The following LDLRAD4 variants were observed in gnomAD, a reference collection of about 807,000 sequenced individuals.
LDLRAD4 encodes the protein low-density lipoprotein receptor class A domain-containing protein 4.
In LDLRAD4, 5 loss-of-function variants were observed where a neutral mutation model predicts 17.0. The observed-to-expected ratio is 0.29, with a 90% CI of 0.15 to 0.62. LDLRAD4 has a LOEUF of 0.62. Ranked by LOEUF, LDLRAD4 falls within the 20% of genes least tolerant of loss-of-function variation. LDLRAD4 has a pLI of 0.84. For synonymous variants in LDLRAD4, 168 were observed against 171.8 expected, an observed-to-expected ratio of 0.98 and a Z score of 0.17; for missense variants, 340 against 424.7, an observed-to-expected ratio of 0.80 and a Z score of 1.75.
At chr18:13,318,301 G>A (rs772880514) in intron 1 of LDLRAD4, among the ~76,000 whole-genome samples, 17 of 151,510 alleles carry the variant, frequency 1.1e-4, no homozygotes, top group Non-Finnish European at 2.2e-4. Context: ...TCCCTCTGTC[G>A]CCCAGGCTGG....
At chr18:13,387,602 G>A in exon 2 of LDLRAD4, 1 of 916,120 alleles carries the variant, frequency 1.1e-6, no homozygotes, top group Non-Finnish European at 1.8e-6. Context: ...TGCTCCCAGA[G>A]GCCGGCCCAG....
At chr18:13,503,973 T>C (rs1239041123) in intron 3 of LDLRAD4, among the ~76,000 whole-genome samples, 3 of 152,186 alleles carry the variant, frequency 2.0e-5, no homozygotes, top group Non-Finnish European at 4.4e-5. Flanking sequence ...ACATAATACA[T>C]GCCAGGCGCT....
intron 1 of LDLRAD4, among the ~76,000 whole-genome samples, chr18:13,239,258 G>A (rs1347719185): frequency 6.6e-6 from 1 of 151,872 alleles, no homozygotes; most frequent in Non-Finnish European, 1.5e-5. Context: ...TGAAGCCTGC[G>A]GTTGGAGGGG....
At chr18:13,439,056 G>A (rs2090854529) in intron 3 of LDLRAD4, among the ~76,000 whole-genome samples, 2 of 152,216 alleles carry the variant, frequency 1.3e-5, no homozygotes, top group African/African-American at 2.4e-5. Context: ...AGTGAAGGGG[G>A]TTGAGGCTGA....
intron 3 of LDLRAD4, among the ~76,000 whole-genome samples, chr18:13,601,262 G>A (rs8083323): frequency 0.017 from 2,603 of 152,224 alleles, 69 homozygotes; most frequent in African/African-American, 0.059. Context: ...TATGAGGAAT[G>A]TAAACAAATC....
At chr18:13,347,406 C>T (rs2082756315) in intron 1 of LDLRAD4, among the ~76,000 whole-genome samples, 1 of 152,232 alleles carries the variant, frequency 6.6e-6, no homozygotes, top group Non-Finnish European at 1.5e-5. Context: ...GGCTCCCACT[C>T]TCTTCTGGCT....
chr18:13,372,560 T>A (rs937289499), intron 1 of LDLRAD4, among the ~76,000 whole-genome samples: 1 of 152,204 alleles, frequency 6.6e-6, no homozygotes, highest in African/African-American at 2.4e-5. Flanking sequence ...AGAGCTGGGA[T>A]GGGCGTGCTG....
In LDLRAD4 at chr18:13,284,997, C is replaced by T. The variant is rs117692133; in HGVS notation, c.-383+6809C>T. On this transcript the variant is annotated intron_variant, in intron 1 of 5. Coordinates refer to ENST00000359446, the Ensembl canonical transcript of LDLRAD4. ...CTGTGCCTCTCAAGCCGATGTGAGA[C>T]GACCTCCCCTTGACGTCCTGACATT... 6.6e-4 allele frequency among the ~76,000 whole-genome samples: 100 copies of T among 152,312 alleles called. 3 individuals are homozygous for T. The East Asian group carries it at 0.017, about 26-fold the overall frequency.
At chr18:13,524,359 A>AT (rs1399246626) in intron 3 of LDLRAD4, among the ~76,000 whole-genome samples, 2 of 152,182 alleles carry the variant, frequency 1.3e-5, no homozygotes, top group East Asian at 1.9e-4. Context: ...CACCTGTTTA[A>AT]TTTTTTCTAA....
chr18:13,327,796 G>T (rs1343026683), intron 1 of LDLRAD4, among the ~76,000 whole-genome samples: 1 of 152,206 alleles, frequency 6.6e-6, no homozygotes, highest in Non-Finnish European at 1.5e-5. Flanking sequence ...AGGTCTTCCT[G>T]CTCAGGGCCT....
At chr18:13,445,632 TGA>T (rs781084418) in intron 3 of LDLRAD4, among the ~76,000 whole-genome samples, 65 of 150,824 alleles carry the variant, frequency 4.3e-4, no homozygotes, top group African/African-American at 1.0e-3. Context: ...CGTGTGTGTG[TGA>T]GAGAGTCTGA....
intron 2 of LDLRAD4, among the ~76,000 whole-genome samples, chr18:13,400,534 C>T (rs1421975917): frequency 6.6e-6 from 1 of 152,172 alleles, no homozygotes; most frequent in African/African-American, 2.4e-5. Context: ...CACACATGAG[C>T]AGCCCTGACT....
intron 2 of LDLRAD4, among the ~76,000 whole-genome samples, chr18:13,389,378 C>T (rs1214632095): frequency 1.3e-5 from 2 of 152,128 alleles, no homozygotes; most frequent in Non-Finnish European, 2.9e-5. Flanking sequence ...TACCCCTCCC[C>T]TCCAGGTGGG....
intron 1 of LDLRAD4, among the ~76,000 whole-genome samples, chr18:13,306,614 A>G (rs2046932276): frequency 6.6e-6 from 1 of 152,246 alleles, no homozygotes. Context: ...GAGAACCCTG[A>G]TAGAGAGAAG....
intron 3 of LDLRAD4, among the ~76,000 whole-genome samples, chr18:13,582,740 T>G (rs1227464947): frequency 6.6e-6 from 1 of 152,158 alleles, no homozygotes; most frequent in Non-Finnish European, 1.5e-5. Flanking sequence ...AGAGACGAGG[T>G]CTCACTCTGT....
At chr18:13,324,918 C>A in intron 1 of LDLRAD4, among the ~76,000 whole-genome samples, 1 of 152,148 alleles carries the variant, frequency 6.6e-6, no homozygotes, top group East Asian at 1.9e-4. Flanking sequence ...ATACATGTGA[C>A]ATGTGAAAGG....
At chr18:13,312,573 C>T (rs1341508655) in intron 1 of LDLRAD4, among the ~76,000 whole-genome samples, 1 of 152,072 alleles carries the variant, frequency 6.6e-6, no homozygotes, top group Non-Finnish European at 1.5e-5. Flanking sequence ...GAGACCCCAT[C>T]CCTACAAAAT....
At chr18:13,328,947 C>A (rs189368637) in intron 1 of LDLRAD4, among the ~76,000 whole-genome samples, 5 of 152,100 alleles carry the variant, frequency 3.3e-5, no homozygotes. Flanking sequence ...CTGTTTTACA[C>A]CTTGCTTTGT....
At chr18:13,246,598 T>A (rs886410453) in intron 1 of LDLRAD4, among the ~76,000 whole-genome samples, 3 of 152,218 alleles carry the variant, frequency 2.0e-5, no homozygotes, top group African/African-American at 7.2e-5. Flanking sequence ...TGGCCAGCTG[T>A]CATGGCTGCA....
Sources: gnomAD v4.1 joint callset for allele counts (sites outside exome capture counted in the v4.1 genomes callset) on GRCh38, gnomAD v4.1.1 for gene constraint, MANE v1.5 for transcripts, NCBI Gene and HGNC (gene_info 2026-07-23, HGNC 2026-07-21) for gene names.